HS3ST4: variants seen among roughly 807,000 people sequenced by gnomAD.
The protein encoded by HS3ST4 is heparan sulfate glucosamine 3-O-sulfotransferase 4.
HS3ST4 carries 17 observed loss-of-function variants against 29.2 expected under a neutral mutation model. The ratio of observed to expected loss-of-function variants is 0.58; its 90% CI spans 0.40 to 0.87. HS3ST4 has a LOEUF of 0.87. Among genes scored for constraint, HS3ST4 ranks in the 40% least tolerant of loss-of-function variants. HS3ST4 has a pLI of 0.00. For synonymous variants in HS3ST4, 314 were observed against 285.7 expected (o/e 1.10, Z -1.00); for missense variants, 627 against 634.5 (o/e 0.99, Z 0.13).
At chr16:25,873,778 A>T (rs968227582) in intron 1 of HS3ST4, among the ~76,000 whole-genome samples, 4 of 151,828 alleles carry the variant, frequency 2.6e-5, no homozygotes, top group Non-Finnish European at 4.4e-5. Flanking sequence ...TAATCCATCC[A>T]TTCTTTCATC....
intron 1 of HS3ST4, among the ~76,000 whole-genome samples, chr16:25,891,634 T>A (rs969240218): frequency 1.3e-5 from 2 of 152,194 alleles, no homozygotes; most frequent in African/African-American, 4.8e-5. Flanking sequence ...TAGCATCACG[T>A]ACTCTAGGTT....
At chr16:25,737,215 T>C (rs1966615531) in intron 1 of HS3ST4, among the ~76,000 whole-genome samples, 1 of 152,226 alleles carries the variant, frequency 6.6e-6, no homozygotes, top group African/African-American at 2.4e-5. Flanking sequence ...AGGTGGATGC[T>C]GCTGGTTACG....
At chr16:26,049,377 G>A (rs1410451148) in intron 1 of HS3ST4, among the ~76,000 whole-genome samples, 1 of 149,648 alleles carries the variant, frequency 6.7e-6, no homozygotes, top group South Asian at 2.1e-4. Context: ...ACATCCGGAG[G>A]TCTACATCCG....
At chr16:26,123,042 A>T (rs2141811651) in intron 1 of HS3ST4, among the ~76,000 whole-genome samples, 1 of 147,964 alleles carries the variant, frequency 6.8e-6, no homozygotes, top group Non-Finnish European at 1.5e-5. Context: ...TGATAGAGTG[A>T]GACTCTGTCT....
chr16:25,924,420 G>T (rs966772148), intron 1 of HS3ST4, among the ~76,000 whole-genome samples: 1 of 152,112 alleles, frequency 6.6e-6, no homozygotes, highest in African/African-American at 2.4e-5. Flanking sequence ...ACATCCGGGG[G>T]ACCTTTCAAA....
chr16:25,947,748 C>T (rs1189243966), intron 1 of HS3ST4, among the ~76,000 whole-genome samples: 1 of 152,166 alleles, frequency 6.6e-6, no homozygotes, highest in Non-Finnish European at 1.5e-5. Flanking sequence ...ACCAATTGCA[C>T]TTGCTCTTAC....
intron 1 of HS3ST4, among the ~76,000 whole-genome samples, chr16:25,771,503 C>T (rs1049925994): frequency 3.3e-5 from 5 of 152,006 alleles, no homozygotes; most frequent in African/African-American, 1.2e-4. Flanking sequence ...ACCTTTCCTC[C>T]TCCTTTCCCC....
chr16:26,111,159 C>T (rs901018774), intron 1 of HS3ST4, among the ~76,000 whole-genome samples: 10 of 151,970 alleles, frequency 6.6e-5, no homozygotes, highest in African/African-American at 1.2e-4. Context: ...ACCTTCTGGG[C>T]TTAAGTGATC....
chr16:25,841,842 C>T (rs1967416607), intron 1 of HS3ST4, among the ~76,000 whole-genome samples: 1 of 152,122 alleles, frequency 6.6e-6, no homozygotes, highest in African/African-American at 2.4e-5. Flanking sequence ...TCATTATGGT[C>T]TTAAACCCAG....
chr16:25,939,616 G>A (rs900952216), intron 1 of HS3ST4, among the ~76,000 whole-genome samples: 1 of 152,134 alleles, frequency 6.6e-6, no homozygotes, highest in Admixed American at 6.5e-5. Context: ...TGGGATTACA[G>A]GCGTGAGCCA....
chr16:25,944,123 G>A (rs1437477318), intron 1 of HS3ST4, among the ~76,000 whole-genome samples: 1 of 151,958 alleles, frequency 6.6e-6, no homozygotes, highest in East Asian at 1.9e-4. Context: ...TTCCACATTT[G>A]TTAGTGCGGC....
At chr16:25,918,414 G>A (rs992781934) in intron 1 of HS3ST4, among the ~76,000 whole-genome samples, 1 of 152,222 alleles carries the variant, frequency 6.6e-6, no homozygotes, top group African/African-American at 2.4e-5. Context: ...GGTCATGGAT[G>A]TATGCAGTTT....
At chr16:25,787,269 A>G (rs1966859059) in intron 1 of HS3ST4, among the ~76,000 whole-genome samples, 1 of 152,244 alleles carries the variant, frequency 6.6e-6, no homozygotes, top group South Asian at 2.1e-4. Context: ...TGTTAGCAAC[A>G]GTGTAAGTAT....
At chr16:26,054,045 T>C (rs986733590) in intron 1 of HS3ST4, among the ~76,000 whole-genome samples, 3 of 152,152 alleles carry the variant, frequency 2.0e-5, no homozygotes, top group African/African-American at 4.8e-5. Flanking sequence ...CTTAGAGTGA[T>C]ACACGTCACT....
chr16:25,931,005 C>T (rs1410789042), intron 1 of HS3ST4, among the ~76,000 whole-genome samples: 39 of 152,168 alleles, frequency 2.6e-4, no homozygotes, highest in Admixed American at 2.6e-3. Context: ...AACTCCTAAG[C>T]TCAAGTGATC....
In HS3ST4 at chr16:26,024,551, G is replaced by A. The variant is rs147834065; in HGVS notation, c.735-111061G>A. ...GTTCAAGACCAGCCTGGCCAATATG[G>A]TGAAACCCTGTCTCTACTAAAAATA... On this transcript the variant is annotated intron_variant, in intron 1 of 1. Transcript: ENST00000331351. 5.1e-4 allele frequency among the ~76,000 whole-genome samples: 77 copies of A among 152,116 alleles called. No homozygotes were observed. The East Asian group carries it at 0.012, about 24-fold the overall frequency.
At chr16:25,857,899 TCTTC>T (rs370477899) in intron 1 of HS3ST4, among the ~76,000 whole-genome samples, 31 of 93,714 alleles carry the variant, frequency 3.3e-4, no homozygotes, top group African/African-American at 1.1e-3. Context: ...TCTTTTTCTT[TCTTC>T]CTTCCTTCCT....
At chr16:25,960,292 C>T (rs1179411526) in intron 1 of HS3ST4, among the ~76,000 whole-genome samples, 1 of 152,190 alleles carries the variant, frequency 6.6e-6, no homozygotes, top group Non-Finnish European at 1.5e-5. Context: ...GTACAGTCTG[C>T]AGAACTGTGA....
At chr16:25,712,284 A>G (rs1227346538) in intron 1 of HS3ST4, among the ~76,000 whole-genome samples, 1 of 152,162 alleles carries the variant, frequency 6.6e-6, no homozygotes, top group East Asian at 1.9e-4. Context: ...CACTTTCAGA[A>G]GCTAGGGCAG....
Sources: allele counts gnomAD v4.1 joint callset (sites outside exome capture counted in the v4.1 genomes callset), GRCh38; gene constraint gnomAD v4.1.1; transcripts MANE v1.5; gene names NCBI Gene and HGNC (gene_info 2026-07-23, HGNC 2026-07-21).